NCOA1: variants seen among roughly 807,000 people sequenced by gnomAD.
NCOA1 encodes nuclear receptor coactivator 1, also known as Hin-2 protein.
Under a neutral mutation model 150.9 loss-of-function variants are expected in NCOA1, and 35 were observed. The ratio of observed to expected loss-of-function variants is 0.23; its 90% confidence interval spans 0.18 to 0.31. The LOEUF (loss-of-function observed/expected upper bound fraction) is 0.31, where lower values mean the gene tolerates loss of function less well. Ranked by LOEUF, NCOA1 falls within the 10% of genes least tolerant of loss-of-function variation. NCOA1 has a pLI of 1.00. For synonymous variants in NCOA1, 590 were observed against 630.0 expected, an observed-to-expected ratio of 0.94 and a Z score of 0.95; for missense variants, 1,491 against 1,749.3, an observed-to-expected ratio of 0.85 and a Z score of 2.63.
intron 1 of NCOA1, among the ~76,000 whole-genome samples, chr2:24,548,008 A>AAAAAT (rs1553426819): frequency 6.0e-5 from 9 of 150,068 alleles, no homozygotes; most frequent in African/African-American, 2.0e-4. Flanking sequence ...AAAAAAAAAA[A>AAAAAT]GGATGAGGGA....
intron 22 of NCOA1, among the ~76,000 whole-genome samples, chr2:24,766,394 C>A (rs1270363394): frequency 6.6e-6 from 1 of 151,952 alleles, no homozygotes; most frequent in African/African-American, 2.4e-5. Flanking sequence ...TAAAAAAGAA[C>A]TATATTTTGT....
chr2:24,503,131 G>A (rs989476235), intron 1 of NCOA1, among the ~76,000 whole-genome samples: 1 of 152,210 alleles, frequency 6.6e-6, no homozygotes, highest in African/African-American at 2.4e-5. Context: ...TTTTGTGGGT[G>A]TGAATGTGTG....
chr2:24,760,776 A>C, intron 21 of NCOA1, among the ~76,000 whole-genome samples: 1 of 152,004 alleles, frequency 6.6e-6, no homozygotes, highest in East Asian at 1.9e-4. Context: ...CTTGGGGTTC[A>C]TTGAGCTTCT....
chr2:24,568,816 C>T (rs1404546121), intron 2 of NCOA1, among the ~76,000 whole-genome samples: 2 of 152,146 alleles, frequency 1.3e-5, no homozygotes, highest in African/African-American at 4.8e-5. Flanking sequence ...TGTACCCATG[C>T]CAGTATTTTG....
chr2:24,686,503 A>C (rs1346230247), intron 8 of NCOA1, among the ~76,000 whole-genome samples: 2 of 152,208 alleles, frequency 1.3e-5, no homozygotes, highest in African/African-American at 4.8e-5. Flanking sequence ...TTCTAGCTAG[A>C]TAATGTAAAC....
At chr2:24,681,030 C>G (rs1040954562) in intron 7 of NCOA1, among the ~76,000 whole-genome samples, 1 of 149,954 alleles carries the variant, frequency 6.7e-6, no homozygotes, top group African/African-American at 2.4e-5. Context: ...AAAAATGATT[C>G]TTCCAAACAT....
intron 1 of NCOA1, among the ~76,000 whole-genome samples, chr2:24,544,849 G>A (rs1043573499): frequency 2.0e-5 from 3 of 152,066 alleles, no homozygotes; most frequent in African/African-American, 7.2e-5. Flanking sequence ...CATGTATATT[G>A]GGATTAAAAA....
In NCOA1 at chr2:24,655,580, G is replaced by A. The variant is rs561587148; in HGVS notation, c.-17-3081G>A. 6.9e-4 allele frequency among the ~76,000 whole-genome samples: 105 copies of A among 152,268 alleles called. 1 individual carries two copies. Among genetic ancestry groups the A allele is most frequent in the African/African-American group, 2.4e-3 (100 of 41,554 alleles). ...GTCCTATGGGCATTGAGGATTTAGT[G>A]AAGGGTTTTAAGTAAGAGATTGACA... On this transcript the variant is annotated intron_variant, in intron 4 of 22. Coordinates refer to ENST00000348332, the MANE Select transcript of NCOA1 (RefSeq NM_003743.5).
intron 3 of NCOA1, among the ~76,000 whole-genome samples, chr2:24,586,213 T>G (rs1244196481): frequency 2.1e-5 from 3 of 144,436 alleles, no homozygotes; most frequent in Non-Finnish European, 4.5e-5. Flanking sequence ...GAGGCGGAGC[T>G]TGCAAAGAGC....
At chr2:24,690,821 G>T (rs1415166321) in intron 8 of NCOA1, among the ~76,000 whole-genome samples, 1 of 151,914 alleles carries the variant, frequency 6.6e-6, no homozygotes, top group Non-Finnish European at 1.5e-5. Flanking sequence ...TCCTATACTG[G>T]ATCAGGTAAC....
intron 1 of NCOA1, among the ~76,000 whole-genome samples, chr2:24,515,201 G>A (rs1467165079): frequency 6.6e-6 from 1 of 152,032 alleles, no homozygotes; most frequent in Non-Finnish European, 1.5e-5. Flanking sequence ...TTATTTTGGG[G>A]TCATTTATTT....
At chr2:24,628,302 G>GAA (rs56176673) in intron 3 of NCOA1, among the ~76,000 whole-genome samples, 134 of 141,864 alleles carry the variant, frequency 9.4e-4, no homozygotes, top group African/African-American at 1.2e-3. Context: ...CTCCATCTCA[G>GAA]AAAAAAAAAA....
intron 2 of NCOA1, among the ~76,000 whole-genome samples, chr2:24,566,973 T>A (rs1370007906): frequency 6.6e-6 from 1 of 152,196 alleles, no homozygotes; most frequent in Non-Finnish European, 1.5e-5. Flanking sequence ...CAGTTGCAGC[T>A]GCACCCAGGA....
intron 2 of NCOA1, among the ~76,000 whole-genome samples, chr2:24,569,734 G>C (rs985513616): frequency 2.6e-5 from 4 of 151,220 alleles, no homozygotes. Context: ...GCTGGGTGCA[G>C]TGGCAGGCGC....
chr2:24,516,576 GT>G (rs1429834269), intron 1 of NCOA1, among the ~76,000 whole-genome samples: 1 of 151,612 alleles, frequency 6.6e-6, no homozygotes, highest in African/African-American at 2.4e-5. Context: ...TGTCACTGCT[GT>G]TAACTGATCC....
rs914901020 is a variant in NCOA1 at position 24,711,405 on chromosome 2, A to G, written c.2599+294A>G. 2.1e-5 allele frequency: 5 copies of G among 233,682 alleles called. No homozygotes were observed. The South Asian group carries it at 4.4e-4, about 20-fold the overall frequency. 14.5% of individuals were successfully genotyped at this position (233,682 alleles called of 1,614,324 possible). A position where few individuals can be genotyped will look rare whatever the true frequency, so the allele number is the denominator to read the frequency against. Reference sequence around the variant, plus strand: ...CCCATAACAGGACTTTCAGAAATACAGTATTGGGTCAGATTGTTTCCAGAT... The same window carrying G: ...CCCATAACAGGACTTTCAGAAATACGGTATTGGGTCAGATTGTTTCCAGAT... On this transcript the variant is annotated intron_variant, in intron 14 of 22. Coordinates refer to ENST00000348332, the MANE Select transcript of NCOA1 (RefSeq NM_003743.5).
intron 19 of NCOA1, among the ~76,000 whole-genome samples, chr2:24,750,049 A>G (rs1176619879): frequency 1.3e-5 from 2 of 152,124 alleles, no homozygotes; most frequent in Non-Finnish European, 2.9e-5. Context: ...ACAAAACAAA[A>G]CAAAAAAAAC....
Position 24,752,133 on chromosome 2 carries a change from G to A in NCOA1, c.3858G>A (p.Gln1286=). The A allele has an allele frequency of 6.2e-7, 1 of 1,613,980 alleles. No individual in the cohort carries two copies. The highest frequency in any genetic ancestry group is 8.5e-7 in the Non-Finnish European group (1 of 1,179,940). ...AGTCACCAGACATGAAGGCCTGGCA[G>A]CAAGGAGCGATAGGAAACAACAAGT... The part of the protein sequence containing the change: ...GYQSPDMKAW[Q]QGAIGNNNVF... The change falls in exon 20 of 23, where the codon CAG becomes CAA. Residue 1286 remains glutamine, a synonymous_variant. Coordinates refer to ENST00000348332, the MANE Select transcript of NCOA1 (RefSeq NM_003743.5).
At chr2:24,583,356 A>G (rs867530494) in intron 2 of NCOA1, among the ~76,000 whole-genome samples, 32 of 152,152 alleles carry the variant, frequency 2.1e-4, no homozygotes, top group African/African-American at 7.2e-4. Context: ...CATAATGAGG[A>G]TTATTTCACC....
Sources: gnomAD v4.1 joint callset for allele counts (sites outside exome capture counted in the v4.1 genomes callset) on GRCh38, gnomAD v4.1.1 for gene constraint, MANE v1.5 for transcripts, NCBI Gene and HGNC (gene_info 2026-07-23, HGNC 2026-07-21) for gene names.